ITPKB: variants seen among roughly 807,000 people sequenced by gnomAD.
The protein encoded by ITPKB is IP3 3-kinase B.
A neutral mutation model predicts 69.4 loss-of-function variants in ITPKB; 13 were observed. The observed-to-expected ratio is 0.19, with a 90% CI of 0.12 to 0.30. The LOEUF (loss-of-function observed/expected upper bound fraction) is 0.30. Among genes scored for constraint, ITPKB ranks in the 10% least tolerant of loss-of-function variants. ITPKB has a pLI of 1.00. For synonymous variants in ITPKB, 584 were observed against 513.7 expected (o/e 1.14, Z -1.85); for missense variants, 1,240 against 1,250.5 (o/e 0.99, Z 0.13).
intron 2 of ITPKB, among the ~76,000 whole-genome samples, chr1:226,705,792 G>A (rs1470946620): frequency 6.6e-6 from 1 of 152,178 alleles, no homozygotes; most frequent in East Asian, 1.9e-4. Flanking sequence ...GACCCCTGAG[G>A]ACAGATCTTT....
chr1:226,669,363 T>C (rs2102764835), intron 2 of ITPKB, among the ~76,000 whole-genome samples: 1 of 151,944 alleles, frequency 6.6e-6, no homozygotes, highest in South Asian at 2.1e-4. Context: ...CGCCATTGAA[T>C]TCTAGCCTGG....
chr1:226,712,061 T>C (rs1000669668), intron 2 of ITPKB, among the ~76,000 whole-genome samples: 4 of 152,156 alleles, frequency 2.6e-5, no homozygotes, highest in African/African-American at 9.7e-5. Flanking sequence ...TCCCCGGTGG[T>C]GTACAGTAAG....
chr1:226,650,884 T>C (rs1249526552), intron 2 of ITPKB, among the ~76,000 whole-genome samples: 1 of 152,134 alleles, frequency 6.6e-6, no homozygotes, highest in Non-Finnish European at 1.5e-5. Context: ...GCTCCTTGGA[T>C]GGATGGACAC....
In ITPKB at chr1:226,641,952, G is replaced by A. The variant is rs757359522; in HGVS notation, c.2420C>T (p.Ala807Val). The A allele has an allele frequency of 6.2e-7, 1 of 1,614,028 alleles. No individual in the cohort carries two copies. Among genetic ancestry groups the A allele is most frequent in the South Asian group, 1.1e-5 (1 of 91,076 alleles). Residue 807 changes from alanine to valine, a missense_variant, in exon 5 of 8, where the codon GCC (alanine) becomes GTC (valine). Transcript: ENST00000429204. This position sits in a 1 kb window ranked among gnomAD's most constrained non-coding sequence, Gnocchi z 4.6. ...TCCCTCGATCCTGAACCCCAGGGTG[G>A]CCGTGGAGCTGATGGTCTCCCGCCA... ...MQWRETISST[A>V]TLGFRIEGIK...
Position 226,713,486 on chromosome 1 carries a change from A to G in ITPKB, c.1932+22041T>C, listed in dbSNP as rs558522439. On this transcript the variant is annotated intron_variant, in intron 2 of 7. Transcript: ENST00000429204. ...GTCCTCCCCACAGGTTTCCGGTGTC[A>G]TCCCGTTTTAGATCCACTACGGCCA... 8.5e-5 allele frequency among the ~76,000 whole-genome samples: 13 copies of G among 152,328 alleles called. No homozygotes were observed. In the East Asian group the frequency reaches 2.5e-3, roughly 29 times the overall value.
chr1:226,692,322 T>C (rs538937966), intron 2 of ITPKB, among the ~76,000 whole-genome samples: 6 of 152,256 alleles, frequency 3.9e-5, no homozygotes, highest in African/African-American at 9.6e-5. Context: ...AGCTTTTCCA[T>C]AGGCCCTAGC....
Position 226,637,611 on chromosome 1 carries a change from AAGG to A in ITPKB, c.2625+65_2625+67del, listed in dbSNP as rs1287154099. On this transcript the variant is annotated intron_variant, in intron 7 of 7. Transcript: ENST00000429204. This position sits in a 1 kb window ranked among gnomAD's most constrained non-coding sequence, Gnocchi z 4.3. ...AATGCCCGATGCCCCGGGCTTCTGG[AAGG>A]AGAAGGAGAAGGCCTGTTGGCACGC... is the stretch of plus-strand genomic sequence containing the variant. 4.7e-6 allele frequency: 6 copies of A among 1,275,390 alleles called. No homozygotes were observed. The highest frequency in any genetic ancestry group is 3.5e-5 in the Admixed American group (2 of 56,622). 79.0% of individuals were successfully genotyped at this position (1,275,390 alleles called of 1,614,324 possible).
intron 2 of ITPKB, among the ~76,000 whole-genome samples, chr1:226,719,003 G>A (rs770114610): frequency 7.9e-5 from 12 of 152,228 alleles, no homozygotes; most frequent in Non-Finnish European, 1.5e-4. Context: ...GGGCCGGCAC[G>A]ATGGCTCGTG....
intron 2 of ITPKB, among the ~76,000 whole-genome samples, chr1:226,673,848 G>C (rs2102768523): frequency 6.6e-6 from 1 of 152,300 alleles, no homozygotes; most frequent in Non-Finnish European, 1.5e-5. Flanking sequence ...GAGAGTTGCA[G>C]GACACTCCTG....
chr1:226,637,618 A>C lies in ITPKB; in HGVS notation c.2625+61T>G, dbSNP rs1234414523. On this transcript the variant is annotated intron_variant, in intron 7 of 7. Coordinates refer to ENST00000429204, the MANE Select transcript of ITPKB (RefSeq NM_002221.4). This position sits in a 1 kb window ranked among gnomAD's most constrained non-coding sequence, Gnocchi z 4.3. The stretch of plus-strand genomic sequence containing the variant: ...GATGCCCCGGGCTTCTGGAAGGAGA[A>C]GGAGAAGGCCTGTTGGCACGCGCAG... The C allele has an allele frequency of 2.2e-6, 3 of 1,338,488 alleles. No homozygotes were observed. The highest frequency in any genetic ancestry group is 1.4e-5 in the African/African-American group (1 of 69,346). 82.9% of individuals were successfully genotyped at this position (1,338,488 alleles called of 1,614,324 possible).
chr1:226,703,518 C>T (rs1434934724), intron 2 of ITPKB, among the ~76,000 whole-genome samples: 1 of 152,148 alleles, frequency 6.6e-6, no homozygotes, highest in Non-Finnish European at 1.5e-5. Context: ...CTCCTCTCTC[C>T]TCCCGCGCGC....
chr1:226,649,409 T>C (rs113248789), intron 2 of ITPKB, among the ~76,000 whole-genome samples: 1,414 of 109,862 alleles, frequency 0.013, 11 homozygotes, highest in African/African-American at 0.036. Flanking sequence ...TGTGTGCATG[T>C]GTGATATGTG....
chr1:226,703,824 G>C (rs916535274), intron 2 of ITPKB, among the ~76,000 whole-genome samples: 44 of 152,358 alleles, frequency 2.9e-4, no homozygotes, highest in African/African-American at 1.1e-3. Flanking sequence ...GTTTCAGTCT[G>C]GGTTTCCTCA....
At chr1:226,659,383 A>G (rs966304919) in intron 2 of ITPKB, among the ~76,000 whole-genome samples, 3 of 152,028 alleles carry the variant, frequency 2.0e-5, no homozygotes, top group Non-Finnish European at 4.4e-5. Flanking sequence ...CCTCCGGGAT[A>G]CAGAGCCACC....
chr1:226,735,626 G>A lies in ITPKB; in HGVS notation c.1833C>T (p.Ser611=). The A allele has an allele frequency of 1.2e-6, 2 of 1,611,014 alleles. No homozygotes were observed. Among genetic ancestry groups the A allele is most frequent in the Non-Finnish European group, 1.7e-6 (2 of 1,178,372 alleles). Residue 611 remains serine (S), a synonymous_variant, in exon 2 of 8, where the codon TCC becomes TCT. Transcript: ENST00000429204. The part of the protein sequence containing the change: ...SSASSTGFSS[S]YEDSEEDISS... ...AGATGTCCTCCTCTGAGTCTTCGTA[G>A]GATGAGGAGAAGCCCGTGGAGGAGG...
intron 2 of ITPKB, among the ~76,000 whole-genome samples, chr1:226,681,127 C>G (rs754074406): frequency 4.6e-5 from 7 of 152,196 alleles, no homozygotes; most frequent in Non-Finnish European, 1.5e-5. Context: ...CCTGCCTCTT[C>G]TCACCATGTC....
chr1:226,684,009 T>C (rs1053094852), intron 2 of ITPKB, among the ~76,000 whole-genome samples: 2 of 152,186 alleles, frequency 1.3e-5, no homozygotes, highest in Non-Finnish European at 2.9e-5. Context: ...GCATGTTCCA[T>C]ACTGACAAAC....
intron 2 of ITPKB, among the ~76,000 whole-genome samples, chr1:226,709,935 T>C (rs1411988249): frequency 6.6e-6 from 1 of 152,210 alleles, no homozygotes; most frequent in Non-Finnish European, 1.5e-5. Context: ...TATGGTTCCC[T>C]GTCTAGTATC....
chr1:226,634,521 AG>A lies in ITPKB; in HGVS notation c.*149del. 1 of 600,016 alleles carries A rather than the reference AG, an allele frequency of 1.7e-6. No individual in the cohort carries two copies. 37.2% of individuals were successfully genotyped at this position (600,016 alleles called of 1,614,324 possible). ...AAGCCCTGAAGTTAGGAAAATGACTAGAAACTCTCATCTCCTCTTCTACAAA... is the reference window on the plus strand; with the variant it reads ...AAGCCCTGAAGTTAGGAAAATGACTAAAACTCTCATCTCCTCTTCTACAAA... On this transcript the variant is annotated 3_prime_UTR_variant, in exon 8 of 8. Transcript: ENST00000429204. The surrounding 1 kb of genome is among the most constrained non-coding windows in gnomAD (Gnocchi z 6.3).
Sources: gnomAD v4.1 joint callset for allele counts (sites outside exome capture counted in the v4.1 genomes callset) on GRCh38, gnomAD v4.1.1 for gene constraint, Gnocchi (gnomAD v3.1) non-coding constraint, MANE v1.5 for transcripts, NCBI Gene and HGNC (gene_info 2026-07-23, HGNC 2026-07-21) for gene names.